Variants in ESR1 observed in about 807,000 individuals in gnomAD.
ESR1 encodes the protein estrogen receptor.
A neutral mutation model predicts 52.7 loss-of-function variants in ESR1; 12 were observed. That is an observed-to-expected ratio of 0.23 (90% CI 0.15 to 0.37). The LOEUF (loss-of-function observed/expected upper bound fraction) is 0.37, where lower values mean the gene tolerates loss of function less well. ESR1 is among the 10% of genes least tolerant of loss of function. ESR1 has a pLI of 1.00. For missense variants in ESR1, 584 were observed against 779.7 expected (o/e 0.75, Z 2.99); for synonymous variants, 305 against 316.8 (o/e 0.96, Z 0.39).
chr6:151,764,735 C>T (rs963388789), intron 2 of ESR1, among the ~76,000 whole-genome samples: 1 of 152,126 alleles, frequency 6.6e-6, no homozygotes, highest in Non-Finnish European at 1.5e-5. Flanking sequence ...CACTGAAGAC[C>T]GAACGAGATC....
At chr6:151,967,602 G>T (rs1179704650) in intron 4 of ESR1, among the ~76,000 whole-genome samples, 2 of 152,124 alleles carry the variant, frequency 1.3e-5, no homozygotes, top group African/African-American at 4.8e-5. Flanking sequence ...CATTTGGGTT[G>T]GTTCCAAGTC....
At chr6:151,658,366 C>G (rs1482091726) in intron 1 of ESR1, among the ~76,000 whole-genome samples, 3 of 152,232 alleles carry the variant, frequency 2.0e-5, no homozygotes, top group African/African-American at 7.2e-5. Flanking sequence ...CTTTTCCCCT[C>G]TGGTATTCCT....
intron 3 of ESR1, among the ~76,000 whole-genome samples, chr6:151,896,835 C>A (rs1214667565): frequency 6.6e-6 from 1 of 152,076 alleles, no homozygotes; most frequent in Non-Finnish European, 1.5e-5. Context: ...GAACTTTCCT[C>A]TTCGCATTGC....
At chr6:151,671,055 A>T (rs796611917) in intron 1 of ESR1, among the ~76,000 whole-genome samples, 7 of 152,298 alleles carry the variant, frequency 4.6e-5, no homozygotes, top group African/African-American at 1.7e-4. Context: ...GGCATGAGCC[A>T]CTGCACCTGG....
chr6:152,104,599 G>A (rs1283030637), downstream of ESR1, among the ~76,000 whole-genome samples: 1 of 152,052 alleles, frequency 6.6e-6, no homozygotes, highest in Non-Finnish European at 1.5e-5. Flanking sequence ...GTGATATTAT[G>A]GTACAATAAG....
chr6:151,742,903 C>G (rs1357829696), intron 2 of ESR1, among the ~76,000 whole-genome samples: 1 of 152,168 alleles, frequency 6.6e-6, no homozygotes, highest in East Asian at 1.9e-4. Context: ...TCAGGTCTCA[C>G]AGATGGTTGA....
intron 4 of ESR1, among the ~76,000 whole-genome samples, chr6:151,962,460 G>A (rs573656774): frequency 6.6e-6 from 1 of 152,212 alleles, no homozygotes; most frequent in South Asian, 2.1e-4. Flanking sequence ...CACATATCCC[G>A]GATGTAGTGT....
At chr6:151,781,686 A>G (rs1384723940) in intron 2 of ESR1, among the ~76,000 whole-genome samples, 1 of 152,066 alleles carries the variant, frequency 6.6e-6, no homozygotes, top group Non-Finnish European at 1.5e-5. Flanking sequence ...ACTGCTACAC[A>G]CCCAAATTGT....
intron 3 of ESR1, among the ~76,000 whole-genome samples, chr6:151,894,678 G>A (rs974206653): frequency 1.3e-5 from 2 of 151,790 alleles, no homozygotes; most frequent in Admixed American, 1.3e-4. Flanking sequence ...GTTGGCTTTG[G>A]CAAAGAGCAG....
chr6:151,744,843 G>C (rs935119063), intron 2 of ESR1, among the ~76,000 whole-genome samples: 1 of 152,190 alleles, frequency 6.6e-6, no homozygotes, highest in South Asian at 2.1e-4. Context: ...TATAGTTTCA[G>C]CTCTTATATT....
chr6:151,986,468 G>A (rs1171318349), intron 4 of ESR1, among the ~76,000 whole-genome samples: 1 of 151,976 alleles, frequency 6.6e-6, no homozygotes, highest in Non-Finnish European at 1.5e-5. Flanking sequence ...CATCCCCCAG[G>A]CCCCTTGGTA....
At chr6:151,810,520 G>A (rs1778650743) in intron 1 of ESR1, among the ~76,000 whole-genome samples, 1 of 152,152 alleles carries the variant, frequency 6.6e-6, no homozygotes, top group Non-Finnish European at 1.5e-5. Context: ...AGGATTGATT[G>A]GGCTCTTTTA....
chr6:151,845,859 T>G (rs1785025376), intron 2 of ESR1, among the ~76,000 whole-genome samples: 1 of 152,172 alleles, frequency 6.6e-6, no homozygotes, highest in Non-Finnish European at 1.5e-5. Context: ...TTCATTCACT[T>G]ATTCATTGAC....
Position 152,094,106 on chromosome 6 carries a change from G to T in ESR1, c.1370-279G>T, listed in dbSNP as rs1423936737. Among the ~76,000 whole-genome samples, 1 of 152,178 alleles carries T rather than the reference G, an allele frequency of 6.6e-6. No homozygotes were observed. Among genetic ancestry groups the T allele is most frequent in the African/African-American group, 2.4e-5 (1 of 41,426 alleles). ...TGTCAGACCTGTCTGAGAAAAGGTG[G>T]CCCATGTTACCATGACAGGCCCCAA... On this transcript the variant is annotated intron_variant, in intron 6 of 7. Transcript: ENST00000206249. The surrounding 1 kb of genome is among the most constrained non-coding windows in gnomAD (Gnocchi z 4.6).
chr6:151,866,657 G>A (rs34125818), intron 2 of ESR1, among the ~76,000 whole-genome samples: 40,117 of 152,024 alleles, frequency 0.26, 6,467 homozygotes, highest in Non-Finnish European at 0.38. Flanking sequence ...GGACATGATT[G>A]CATCCTTTTT....
At chr6:151,743,092 G>T (rs764394025) in intron 2 of ESR1, among the ~76,000 whole-genome samples, 2 of 152,310 alleles carry the variant, frequency 1.3e-5, no homozygotes, top group East Asian at 1.9e-4. Context: ...TGCCAAGAAA[G>T]CTCCCCAGGG....
At chr6:151,816,952 A>G (rs1481386615) in intron 1 of ESR1, among the ~76,000 whole-genome samples, 1 of 152,208 alleles carries the variant, frequency 6.6e-6, no homozygotes, top group Non-Finnish European at 1.5e-5. Flanking sequence ...AGTGAGGGGC[A>G]TTAAGTATTG....
chr6:152,122,586 A>C, intron 6 of ESR1: 1 of 1,614,210 alleles, frequency 6.2e-7, no homozygotes, highest in Non-Finnish European at 8.5e-7. Context: ...GAAGGGGAAG[A>C]GCTGCTCGGA....
intron 2 of ESR1, among the ~76,000 whole-genome samples, chr6:151,782,455 T>G (rs1786638977): frequency 6.6e-6 from 1 of 152,238 alleles, no homozygotes. Flanking sequence ...TGTTTGGGTT[T>G]TTTAAGTTTG....
Sources: allele counts gnomAD v4.1 joint callset (sites outside exome capture counted in the v4.1 genomes callset), GRCh38; gene constraint gnomAD v4.1.1; non-coding constraint Gnocchi (gnomAD v3.1); transcripts MANE v1.5; gene names NCBI Gene and HGNC (gene_info 2026-07-23, HGNC 2026-07-21).